The following LUZP2 variants were observed in gnomAD, a reference collection of about 807,000 sequenced individuals.
The protein encoded by LUZP2 is leucine zipper protein 2.
In LUZP2, 52 loss-of-function variants were observed where a neutral mutation model predicts 51.6. That is an observed-to-expected ratio of 1.01 (90% CI 0.81 to 1.27). The LOEUF (loss-of-function observed/expected upper bound fraction) is 1.27. Among genes scored for constraint, LUZP2 ranks in the 50% most tolerant of loss-of-function variants. LUZP2 has a pLI of 0.00. For synonymous variants in LUZP2, 154 were observed against 137.3 expected (o/e 1.12, Z -0.85); for missense variants, 436 against 395.4 (o/e 1.10, Z -0.87).
intron 5 of LUZP2, among the ~76,000 whole-genome samples, chr11:24,884,044 G>C (rs1342193268): frequency 6.6e-6 from 1 of 152,022 alleles, no homozygotes; most frequent in Non-Finnish European, 1.5e-5. Context: ...CCTTAACTGG[G>C]AAGATTGGGG....
intron 4 of LUZP2, 140 bp downstream of exon 4, chr11:24,738,442 C>T: frequency 3.3e-6 from 2 of 614,708 alleles, no homozygotes; most frequent in Non-Finnish European, 5.8e-6. Flanking sequence ...TCAATGTGAA[C>T]AGAATAGTAC....
At chr11:24,542,070 A>G (rs541860751) in intron 1 of LUZP2, among the ~76,000 whole-genome samples, 1 of 152,246 alleles carries the variant, frequency 6.6e-6, no homozygotes, top group African/African-American at 2.4e-5. Flanking sequence ...TCAGATGTCC[A>G]TGCCAAAAAA....
chr11:25,032,891 T>A (rs1857732715), intron 9 of LUZP2, among the ~76,000 whole-genome samples: 1 of 152,196 alleles, frequency 6.6e-6, no homozygotes, highest in Admixed American at 6.5e-5. Context: ...AAGAAAAATT[T>A]GAGAAAAATC....
chr11:24,947,641 C>T (rs1343107394), intron 7 of LUZP2, among the ~76,000 whole-genome samples: 1 of 151,850 alleles, frequency 6.6e-6, no homozygotes, highest in Non-Finnish European at 1.5e-5. Context: ...ATAGAGCAGG[C>T]AGACCTGCTC....
chr11:24,795,008 T>C (rs1204062369), intron 5 of LUZP2, among the ~76,000 whole-genome samples: 7 of 152,134 alleles, frequency 4.6e-5, no homozygotes, highest in Admixed American at 3.3e-4. Context: ...TAAATACTGT[T>C]AAAACTCACT....
At chr11:24,767,345 T>C (rs970607957) in intron 5 of LUZP2, among the ~76,000 whole-genome samples, 15 of 152,216 alleles carry the variant, frequency 9.9e-5, no homozygotes, top group Non-Finnish European at 2.2e-4. Flanking sequence ...AAGAGTTTAT[T>C]TGAGCAAACA....
intron 5 of LUZP2, among the ~76,000 whole-genome samples, chr11:24,769,850 T>C (rs1860343558): frequency 6.6e-6 from 1 of 151,570 alleles, no homozygotes; most frequent in South Asian, 2.1e-4. Flanking sequence ...TGGAGTGCAG[T>C]GGCACCATCA....
chr11:24,805,832 A>G (rs1849841043), intron 5 of LUZP2, among the ~76,000 whole-genome samples: 1 of 152,218 alleles, frequency 6.6e-6, no homozygotes, highest in South Asian at 2.1e-4. Context: ...GAAGGCAGCC[A>G]GTTGAGGATG....
intron 5 of LUZP2, among the ~76,000 whole-genome samples, chr11:24,849,130 A>G (rs2716523): frequency 0.99 from 150,265 of 152,264 alleles, 74,174 homozygotes; most frequent in East Asian, 1. Flanking sequence ...CTCATTTGAT[A>G]TATCTTTTTT....
chr11:24,945,121 T>A (rs1854863156), intron 7 of LUZP2, among the ~76,000 whole-genome samples: 1 of 152,170 alleles, frequency 6.6e-6, no homozygotes, highest in African/African-American at 2.4e-5. Context: ...TTTCCCTGAA[T>A]AGACTTCTAT....
chr11:25,044,253 G>GTATATA (rs1446874239), intron 9 of LUZP2, among the ~76,000 whole-genome samples: 872 of 31,558 alleles, frequency 0.028, 13 homozygotes, highest in Non-Finnish European at 0.042. Flanking sequence ...GTGTGTGTGT[G>GTATATA]TGTGTATATA....
At chr11:24,862,074 G>C (rs759438212) in intron 5 of LUZP2, among the ~76,000 whole-genome samples, 2 of 152,004 alleles carry the variant, frequency 1.3e-5, no homozygotes, top group African/African-American at 2.4e-5. Flanking sequence ...CCACCACTCT[G>C]ACTGATCTCC....
At position 24,995,442 on chromosome 11, in the gene LUZP2, T is replaced by C. The variant is rs1565203721; in HGVS notation, c.765+12149T>C. On this transcript the variant is annotated intron_variant, in intron 9 of 11. Coordinates refer to ENST00000336930, the MANE Select transcript of LUZP2 (RefSeq NM_001009909.4). ...TAACATATATTTATGCATATGAAATTGAGAAAAAATGCTCTTTTAAGGGGA... is the reference window on the plus strand; with the variant it reads ...TAACATATATTTATGCATATGAAATCGAGAAAAAATGCTCTTTTAAGGGGA... 3.3e-5 allele frequency among the ~76,000 whole-genome samples: 5 copies of C among 152,218 alleles called. No individual in the cohort carries two copies. The South Asian group carries it at 6.2e-4, about 19-fold the overall frequency.
chr11:24,564,852 C>A (rs1048198962), intron 1 of LUZP2, among the ~76,000 whole-genome samples: 4 of 151,852 alleles, frequency 2.6e-5, no homozygotes, highest in African/African-American at 9.7e-5. Context: ...CACAGATAAA[C>A]CTTGTTAGTT....
At chr11:24,957,754 CT>C (rs552602245) in intron 7 of LUZP2, among the ~76,000 whole-genome samples, 300 of 151,416 alleles carry the variant, frequency 2.0e-3, no homozygotes, top group Non-Finnish European at 3.6e-3. Flanking sequence ...AGGTTGATTT[CT>C]TTTTTTTTAT....
At chr11:24,877,274 A>G (rs776402094) in intron 5 of LUZP2, among the ~76,000 whole-genome samples, 3 of 152,122 alleles carry the variant, frequency 2.0e-5, no homozygotes, top group Non-Finnish European at 4.4e-5. Context: ...TCTTGTATTT[A>G]TTTGTACTAC....
At chr11:24,549,045 C>T (rs754742995) in intron 1 of LUZP2, among the ~76,000 whole-genome samples, 16 of 151,824 alleles carry the variant, frequency 1.1e-4, no homozygotes, top group Non-Finnish European at 1.5e-4. Context: ...TTAACCTTGG[C>T]TTACTGTAAC....
chr11:24,878,811 C>T (rs903655995), intron 5 of LUZP2, among the ~76,000 whole-genome samples: 3 of 151,794 alleles, frequency 2.0e-5, no homozygotes, highest in Admixed American at 6.6e-5. Flanking sequence ...TGCTGTTCCC[C>T]TCCATCTGTC....
intron 5 of LUZP2, among the ~76,000 whole-genome samples, chr11:24,765,126 A>G (rs1018621893): frequency 1.3e-5 from 2 of 152,222 alleles, no homozygotes; most frequent in African/African-American, 2.4e-5. Context: ...AATGTTTTCA[A>G]TTTTACTCCT....
Sources: gnomAD v4.1 joint callset for allele counts (sites outside exome capture counted in the v4.1 genomes callset) on GRCh38, gnomAD v4.1.1 for gene constraint, MANE v1.5 for transcripts, NCBI Gene and HGNC (gene_info 2026-07-23, HGNC 2026-07-21) for gene names.